The following PCDH15 variants were observed in gnomAD, a reference collection of about 807,000 sequenced individuals.
The protein encoded by PCDH15 is protocadherin related 15.
In PCDH15, 129 loss-of-function variants were observed where a neutral mutation model predicts 178.5. The ratio of observed to expected loss-of-function variants is 0.72; its 90% CI spans 0.63 to 0.84. The LOEUF (loss-of-function observed/expected upper bound fraction) is 0.84. Among genes scored for constraint, PCDH15 ranks in the 40% least tolerant of loss-of-function variants. PCDH15 has a pLI of 0.00. For missense variants in PCDH15, 2,230 were observed against 2,099.9 expected, an observed-to-expected ratio of 1.06 and a Z score of -1.21; for synonymous variants, 800 against 732.0, an observed-to-expected ratio of 1.09 and a Z score of -1.50.
At chr10:53,980,987 T>G (rs1376885350) in intron 21 of PCDH15, among the ~76,000 whole-genome samples, 1 of 152,210 alleles carries the variant, frequency 6.6e-6, no homozygotes, top group South Asian at 2.1e-4. Flanking sequence ...TGTCCTTTTA[T>G]CTGCTAAATT....
At chr10:55,224,975 GT>G (rs1840985616) in intron 1 of PCDH15, among the ~76,000 whole-genome samples, 1 of 151,970 alleles carries the variant, frequency 6.6e-6, no homozygotes, top group South Asian at 2.1e-4. Context: ...CCACTCCTTG[GT>G]CAATATCATG....
At chr10:55,483,510 T>G (rs959337703) in intron 2 of PCDH15, among the ~76,000 whole-genome samples, 3 of 151,736 alleles carry the variant, frequency 2.0e-5, no homozygotes, top group Non-Finnish European at 2.9e-5. Context: ...ACACAAGGAA[T>G]ACACTTATAC....
intron 2 of PCDH15, among the ~76,000 whole-genome samples, chr10:55,494,635 A>T (rs1840492052): frequency 6.6e-6 from 1 of 151,764 alleles, no homozygotes; most frequent in Admixed American, 6.6e-5. Context: ...TAGATTTTGC[A>T]ACATGCATCC....
Position 54,153,374 on chromosome 10 carries a change from G to A in PCDH15, c.1591-81C>T, listed in dbSNP as rs1432805288. On this transcript the variant is annotated intron_variant, in intron 13 of 37. Coordinates refer to ENST00000644397, the MANE Select transcript of PCDH15 (RefSeq NM_001384140.1). The stretch of plus-strand genomic sequence containing the variant: ...GTCGTTTTTTCCCCCAACAAAAGAA[G>A]CTTGCTTTCAAAGAAAAAAACACAG... 3.4e-6 allele frequency: 5 copies of A among 1,489,328 alleles called. No homozygotes were observed. In the African/African-American group the frequency reaches 5.6e-5, roughly 17 times the overall value. 92.3% of individuals were successfully genotyped at this position (1,489,328 alleles called of 1,614,324 possible).
intron 2 of PCDH15, among the ~76,000 whole-genome samples, chr10:55,610,538 C>A (rs1468988175): frequency 6.6e-6 from 1 of 152,008 alleles, no homozygotes; most frequent in Non-Finnish European, 1.5e-5. Context: ...AAGTACGAGT[C>A]ATTTCAAGTT....
chr10:54,365,098 C>A (rs1175172057), intron 5 of PCDH15, among the ~76,000 whole-genome samples: 1 of 152,062 alleles, frequency 6.6e-6, no homozygotes, highest in African/African-American at 2.4e-5. Context: ...GAGATTGGGC[C>A]TACCAGAGTA....
chr10:54,010,817 C>T (rs545937613), intron 20 of PCDH15, among the ~76,000 whole-genome samples: 40 of 152,266 alleles, frequency 2.6e-4, no homozygotes, highest in Non-Finnish European at 5.1e-4. Flanking sequence ...CCAGGCAGTG[C>T]CTAAGCTCGG....
At chr10:55,241,269 C>T (rs1197383404) in intron 1 of PCDH15, among the ~76,000 whole-genome samples, 1 of 152,094 alleles carries the variant, frequency 6.6e-6, no homozygotes, top group Non-Finnish European at 1.5e-5. Flanking sequence ...CAAAAACTAT[C>T]ACTGGTTTAA....
intron 2 of PCDH15, among the ~76,000 whole-genome samples, chr10:55,473,807 TAA>T (rs1481069498): frequency 2.0e-5 from 3 of 152,180 alleles, no homozygotes; most frequent in Non-Finnish European, 4.4e-5. Flanking sequence ...TGAACACTTT[TAA>T]AAGTCAAACA....
chr10:53,918,713 AACACACACACACACACACAC>A (rs5741702), intron 25 of PCDH15, among the ~76,000 whole-genome samples: 1,562 of 147,064 alleles, frequency 0.011, 27 homozygotes, highest in African/African-American at 0.034. Context: ...CAAATACACA[AACACACACACACACACACAC>A]ACACACACAC....
At chr10:54,240,338 G>A (rs891234520) in intron 8 of PCDH15, among the ~76,000 whole-genome samples, 3 of 151,386 alleles carry the variant, frequency 2.0e-5, no homozygotes, top group African/African-American at 7.3e-5. Context: ...AAAAAAAAAA[G>A]TAGTATATAG....
intron 2 of PCDH15, among the ~76,000 whole-genome samples, chr10:55,478,365 C>T (rs989441050): frequency 2.7e-4 from 41 of 151,372 alleles, no homozygotes; most frequent in African/African-American, 8.7e-4. Context: ...CTGCAGGATA[C>T]GTGAAAATTA....
At chr10:53,920,900 A>G (rs955217616) in intron 25 of PCDH15, among the ~76,000 whole-genome samples, 2 of 152,136 alleles carry the variant, frequency 1.3e-5, no homozygotes, top group African/African-American at 4.8e-5. Flanking sequence ...GTGGCCTTGA[A>G]AAACACAGTC....
intron 20 of PCDH15, among the ~76,000 whole-genome samples, chr10:54,000,140 G>A (rs1348093936): frequency 6.6e-6 from 1 of 152,180 alleles, no homozygotes; most frequent in Non-Finnish European, 1.5e-5. Flanking sequence ...GGCTTGTGGT[G>A]CCTCCTAAAG....
At chr10:55,093,749 C>T (rs1842376064) in intron 2 of PCDH15, among the ~76,000 whole-genome samples, 1 of 152,046 alleles carries the variant, frequency 6.6e-6, no homozygotes, top group Non-Finnish European at 1.5e-5. Flanking sequence ...ATAGACAGTT[C>T]TCAAAAGAAG....
intron 2 of PCDH15, among the ~76,000 whole-genome samples, chr10:54,564,211 T>C (rs948164678): frequency 1.3e-5 from 2 of 152,130 alleles, no homozygotes; most frequent in African/African-American, 4.8e-5. Flanking sequence ...CCACTTCAAA[T>C]GATTATACAT....
chr10:54,022,004 C>G (rs1349709934), intron 19 of PCDH15, among the ~76,000 whole-genome samples: 1 of 151,890 alleles, frequency 6.6e-6, no homozygotes, highest in African/African-American at 2.4e-5. Context: ...CCAGTATTTG[C>G]CTTATTTAGA....
At chr10:54,057,100 T>TGTTTTCATG (rs1436250634) in intron 18 of PCDH15, among the ~76,000 whole-genome samples, 1 of 152,172 alleles carries the variant, frequency 6.6e-6, no homozygotes, top group Non-Finnish European at 1.5e-5. Context: ...CACTCCTGGT[T>TGTTTTCATG]GTTTTCATGG....
At chr10:55,436,822 A>G (rs1361879643) in intron 2 of PCDH15, among the ~76,000 whole-genome samples, 2 of 152,178 alleles carry the variant, frequency 1.3e-5, no homozygotes, top group African/African-American at 2.4e-5. Context: ...GGTGGTTATA[A>G]GTGGGAGCAT....
Sources: gnomAD v4.1 joint callset for allele counts (sites outside exome capture counted in the v4.1 genomes callset) on GRCh38, gnomAD v4.1.1 for gene constraint, MANE v1.5 for transcripts, NCBI Gene and HGNC (gene_info 2026-07-23, HGNC 2026-07-21) for gene names.